DYSF: variants seen among roughly 807,000 people sequenced by gnomAD.
DYSF encodes dysferlin.
In DYSF, 212 loss-of-function variants were observed where a neutral mutation model predicts 274.9. The ratio of observed to expected loss-of-function variants is 0.77; its 90% confidence interval spans 0.69 to 0.86. DYSF has a LOEUF of 0.86. Ranked by LOEUF, DYSF falls within the 40% of genes least tolerant of loss-of-function variation. The pLI is 0.00. For synonymous variants in DYSF, 1,091 were observed against 1,078.7 expected, an observed-to-expected ratio of 1.01 and a Z score of -0.22; for missense variants, 2,666 against 2,783.2, an observed-to-expected ratio of 0.96 and a Z score of 0.95.
intron 24 of DYSF, among the ~76,000 whole-genome samples, chr2:71,564,938 T>C (rs1026528728): frequency 1.3e-5 from 2 of 152,300 alleles, no homozygotes; most frequent in East Asian, 3.9e-4. Context: ...GTGGTCATGG[T>C]GTGGCCTGGC....
At chr2:71,536,516 C>G (rs1045099423) in intron 16 of DYSF, among the ~76,000 whole-genome samples, 1 of 152,212 alleles carries the variant, frequency 6.6e-6, no homozygotes, top group African/African-American at 2.4e-5. Flanking sequence ...CCATGTGTGC[C>G]GCTCTGACTG....
chr2:71,626,432 TATATA>T (rs1423048111), intron 41 of DYSF, among the ~76,000 whole-genome samples: 1 of 116,814 alleles, frequency 8.6e-6, no homozygotes, highest in Non-Finnish European at 1.9e-5. Flanking sequence ...AATACATAAT[TATATA>T]ATATATTTAC....
chr2:71,549,300 T>C (rs758712269), intron 17 of DYSF: 1 of 1,585,328 alleles, frequency 6.3e-7, no homozygotes. Context: ...AACCCGTCCT[T>C]CTCCCAGCCA....
At chr2:71,668,475 T>C (rs2152955167) in intron 48 of DYSF, among the ~76,000 whole-genome samples, 1 of 152,246 alleles carries the variant, frequency 6.6e-6, no homozygotes, top group Non-Finnish European at 1.5e-5. Flanking sequence ...ACTGTGCACA[T>C]GCCATTCCCC....
Position 71,520,855 on chromosome 2 carries a change from G to A in DYSF, c.1100G>A (p.Gly367Asp). The A allele has an allele frequency of 6.2e-7, 1 of 1,614,142 alleles. No homozygotes were observed. The change falls in exon 12 of 56, where the codon GGC (glycine) becomes GAC (aspartate). Residue 367 changes from glycine to aspartate, a missense_variant. Transcript: ENST00000410020. ...DPDDFSAGAR[G>D]YLKTSLCVLG... The stretch of plus-strand genomic sequence containing the variant: ...GATGACTTCTCTGCTGGGGCCAGAG[G>A]CTACCTGAAAACAAGCCTTTGTGTG...
Position 71,607,548 on chromosome 2 carries a change from C to T in DYSF, c.3958-3697C>T, listed in dbSNP as rs915933500. Among the ~76,000 whole-genome samples the T allele has an allele frequency of 5.2e-4, 79 of 152,234 alleles. 1 individual carries two copies. Among genetic ancestry groups the T allele is most frequent in the East Asian group, 1.9e-4 (1 of 5,176 alleles). Reference sequence around the variant, plus strand: ...CCTGCCTTGGCTGCAGATTGTAGAACGCGTGGGCTGTTGGGAGAGGGTGTC... The same window carrying T: ...CCTGCCTTGGCTGCAGATTGTAGAATGCGTGGGCTGTTGGGAGAGGGTGTC... On this transcript the variant is annotated intron_variant, in intron 36 of 55. Transcript: ENST00000410020.
intron 41 of DYSF, among the ~76,000 whole-genome samples, chr2:71,633,478 A>G (rs537186700): frequency 2.0e-5 from 3 of 152,322 alleles, no homozygotes; most frequent in East Asian, 3.9e-4. Flanking sequence ...GGCAATATCA[A>G]CAAGAACATT....
upstream of DYSF, chr2:71,466,657 G>A (rs2081552901): frequency 2.3e-6 from 3 of 1,320,466 alleles, no homozygotes; most frequent in Admixed American, 7.0e-5. Context: ...CCGCCCAGCG[G>A]GTGTCCGGTG....
intron 55 of DYSF, among the ~76,000 whole-genome samples, chr2:71,684,176 G>A (rs529741263): frequency 2.6e-5 from 4 of 151,738 alleles, no homozygotes; most frequent in East Asian, 1.9e-4. Context: ...GCAGGGACTC[G>A]AGGTGTGTAC....
chr2:71,500,287 A>T (rs890176739), intron 3 of DYSF, among the ~76,000 whole-genome samples: 1 of 151,944 alleles, frequency 6.6e-6, no homozygotes, highest in African/African-American at 2.4e-5. Context: ...GGAGGCTCTG[A>T]ATTTCTGACT....
intron 23 of DYSF, among the ~76,000 whole-genome samples, chr2:71,563,647 G>A (rs958440435): frequency 6.6e-6 from 1 of 152,182 alleles, no homozygotes; most frequent in African/African-American, 2.4e-5. Context: ...GCTGAGGAAG[G>A]CGGGTGGTGT....
chr2:71,560,178 C>G (rs1010432531), intron 22 of DYSF, among the ~76,000 whole-genome samples: 1 of 152,092 alleles, frequency 6.6e-6, no homozygotes, highest in Non-Finnish European at 1.5e-5. Context: ...GGGAAAGAGC[C>G]GAGACAGCAC....
At chr2:71,553,728 G>A in intron 20 of DYSF, 79 bp from the exon 21 acceptor site, 1 of 1,137,286 alleles carries the variant, frequency 8.8e-7, no homozygotes, top group Non-Finnish European at 1.3e-6. Flanking sequence ...GGAGTGCCCA[G>A]GAGGCTGGCA....
intron 22 of DYSF, among the ~76,000 whole-genome samples, chr2:71,561,548 C>G (rs922910821): frequency 6.6e-6 from 1 of 152,174 alleles, no homozygotes; most frequent in African/African-American, 2.4e-5. Context: ...CGTAGGCTGA[C>G]ATGGGTGAGG....
At chr2:71,584,290 C>A (rs1452005265) in intron 30 of DYSF, among the ~76,000 whole-genome samples, 2 of 152,130 alleles carry the variant, frequency 1.3e-5, no homozygotes, top group Admixed American at 6.5e-5. Context: ...AAGCGGCCCT[C>A]CCTGTCCTGG....
At chr2:71,547,475 C>A (rs997690716) in intron 17 of DYSF, among the ~76,000 whole-genome samples, 5 of 152,102 alleles carry the variant, frequency 3.3e-5, no homozygotes, top group African/African-American at 1.2e-4. Flanking sequence ...TGGTGAAACC[C>A]CATCTCCACT....
At chr2:71,638,255 T>G (rs1191740740) in intron 41 of DYSF, among the ~76,000 whole-genome samples, 2 of 151,970 alleles carry the variant, frequency 1.3e-5, no homozygotes, top group Non-Finnish European at 2.9e-5. Flanking sequence ...AGATAATCCA[T>G]GTGAATACAG....
chr2:71,639,650 T>C (rs1314896661), intron 41 of DYSF, among the ~76,000 whole-genome samples: 2 of 152,258 alleles, frequency 1.3e-5, no homozygotes, highest in African/African-American at 4.8e-5. Context: ...CAGTTCCTTA[T>C]TGTTGGACAC....
chr2:71,580,270 T>C (rs1335621350), intron 30 of DYSF, among the ~76,000 whole-genome samples: 1 of 152,162 alleles, frequency 6.6e-6, no homozygotes, highest in African/African-American at 2.4e-5. Context: ...CTGGGAAACC[T>C]CCAGAGGGTT....
Sources: gnomAD v4.1 joint callset for allele counts (sites outside exome capture counted in the v4.1 genomes callset) on GRCh38, gnomAD v4.1.1 for gene constraint, MANE v1.5 for transcripts, NCBI Gene and HGNC (gene_info 2026-07-23, HGNC 2026-07-21) for gene names.